GFRA1: variants seen among roughly 807,000 people sequenced by gnomAD.
GFRA1 encodes the protein GDNF family receptor alpha-1.
Under a neutral mutation model 51.6 loss-of-function variants are expected in GFRA1, and 16 were observed. The ratio of observed to expected loss-of-function variants is 0.31; its 90% CI spans 0.21 to 0.47. The LOEUF is 0.47. Among genes scored for constraint, GFRA1 ranks in the 20% least tolerant of loss-of-function variants. The probability of loss-of-function intolerance (pLI) is 1.00; values close to 1 mark genes in which losing one functional copy is unlikely to be tolerated. For missense variants in GFRA1, 530 were observed against 594.3 expected (o/e 0.89, Z 1.13); for synonymous variants, 270 against 241.3 (o/e 1.12, Z -1.10).
intron 8 of GFRA1, among the ~76,000 whole-genome samples, chr10:116,091,772 G>C (rs564906827): frequency 6.6e-6 from 1 of 152,332 alleles, no homozygotes; most frequent in East Asian, 1.9e-4. Context: ...TGATGGCCCT[G>C]TGTCTTTGGG....
intron 6 of GFRA1, among the ~76,000 whole-genome samples, chr10:116,116,313 A>C (rs1312172116): frequency 6.6e-6 from 1 of 150,442 alleles, no homozygotes; most frequent in Non-Finnish European, 1.5e-5. Flanking sequence ...GCCACAAGCC[A>C]GGGAGAAGGC....
chr10:116,236,275 G>C (rs1180506639), intron 4 of GFRA1, among the ~76,000 whole-genome samples: 2 of 151,992 alleles, frequency 1.3e-5, no homozygotes, highest in African/African-American at 4.8e-5. Context: ...ACTTCCTATA[G>C]GCCCTGAAGA....
chr10:116,088,799 T>C (rs1182387538), intron 9 of GFRA1, among the ~76,000 whole-genome samples: 2 of 151,586 alleles, frequency 1.3e-5, no homozygotes, highest in African/African-American at 4.8e-5. Context: ...TGGGCGCCTG[T>C]AGTCCCAGCT....
intron 5 of GFRA1, among the ~76,000 whole-genome samples, chr10:116,197,235 G>T (rs1441520704): frequency 6.6e-6 from 1 of 152,184 alleles, no homozygotes; most frequent in African/African-American, 2.4e-5. Flanking sequence ...TCAGGAATGA[G>T]ATTAGGGCCC....
intron 9 of GFRA1, among the ~76,000 whole-genome samples, chr10:116,075,492 G>C (rs768177974): frequency 6.6e-6 from 1 of 152,088 alleles, no homozygotes; most frequent in Non-Finnish European, 1.5e-5. Flanking sequence ...ACACTCCTGG[G>C]CAGTAGCATT....
Position 116,125,395 on chromosome 10 carries a change from A to G in GFRA1, c.596T>C (p.Phe199Ser). 2 of 1,614,234 alleles carry G rather than the reference A, an allele frequency of 1.2e-6. No individual in the cohort carries two copies. The highest frequency in any genetic ancestry group is 1.7e-6 in the Non-Finnish European group (2 of 1,180,044). ...RRKCHKALRQ[F>S]FDKVPAKHSY... is the part of the protein sequence containing the mutation. ...GTGCTTGGCCGGGACCTTGTCAAAG[A>G]ACTGCCGGAGGGCCTTGTGGCACTT... Residue 199 changes from phenylalanine to serine, a missense_variant, in exon 6 of 11, where the codon TTC becomes TCC. Coordinates refer to ENST00000355422, the MANE Select transcript of GFRA1 (RefSeq NM_005264.8).
chr10:116,098,761 C>T (rs977963652), intron 6 of GFRA1, among the ~76,000 whole-genome samples: 5 of 152,180 alleles, frequency 3.3e-5, no homozygotes, highest in Admixed American at 2.0e-4. Flanking sequence ...TGTCCTTCAG[C>T]GAGAGACTAA....
chr10:116,152,066 G>T (rs1263781910), intron 5 of GFRA1, among the ~76,000 whole-genome samples: 3 of 152,168 alleles, frequency 2.0e-5, no homozygotes, highest in Non-Finnish European at 4.4e-5. Context: ...CGTGTGAGTG[G>T]ACAGTGGTAG....
intron 4 of GFRA1, among the ~76,000 whole-genome samples, chr10:116,242,718 G>T (rs1351981862): frequency 6.6e-6 from 1 of 152,094 alleles, no homozygotes; most frequent in African/African-American, 2.4e-5. Context: ...CTGACCTCAG[G>T]TGATCCGCCT....
chr10:116,174,181 A>C (rs909630874), intron 5 of GFRA1, among the ~76,000 whole-genome samples: 2 of 152,116 alleles, frequency 1.3e-5, no homozygotes, highest in African/African-American at 4.8e-5. Context: ...TTTCTCTGCA[A>C]GCCTACAAAA....
At chr10:116,191,027 A>T (rs1279781108) in intron 5 of GFRA1, among the ~76,000 whole-genome samples, 1 of 152,224 alleles carries the variant, frequency 6.6e-6, no homozygotes, top group Non-Finnish European at 1.5e-5. Context: ...GTTCCCATGG[A>T]GAAAAGGGCA....
chr10:116,109,621 G>C (rs570767523), intron 6 of GFRA1, among the ~76,000 whole-genome samples: 1 of 152,268 alleles, frequency 6.6e-6, no homozygotes, highest in East Asian at 1.9e-4. Context: ...GGACACAAAA[G>C]TCTTCCCCAT....
At chr10:116,075,566 A>G (rs61095898) in intron 9 of GFRA1, among the ~76,000 whole-genome samples, 8,614 of 152,186 alleles carry the variant, frequency 0.057, 806 homozygotes, top group African/African-American at 0.19. Flanking sequence ...TCTCCATCTT[A>G]GCCTGCAGAG....
At chr10:116,132,994 G>C (rs1958169576) in intron 5 of GFRA1, among the ~76,000 whole-genome samples, 1 of 152,008 alleles carries the variant, frequency 6.6e-6, no homozygotes, top group Admixed American at 6.6e-5. Flanking sequence ...GCTCATTTTA[G>C]AGCTCAGCAT....
chr10:116,213,281 A>G (rs1965336590), intron 4 of GFRA1, among the ~76,000 whole-genome samples: 1 of 152,248 alleles, frequency 6.6e-6, no homozygotes, highest in Admixed American at 6.5e-5. Context: ...ATAAGGAATC[A>G]AGCCAAATAT....
chr10:116,183,759 C>T (rs960642933), intron 5 of GFRA1, among the ~76,000 whole-genome samples: 2 of 152,226 alleles, frequency 1.3e-5, no homozygotes, highest in Non-Finnish European at 2.9e-5. Context: ...TGCTCCCAGG[C>T]TCCTCTGTAA....
At chr10:116,130,081 AAT>A (rs1491508006) in intron 5 of GFRA1, among the ~76,000 whole-genome samples, 128 of 147,048 alleles carry the variant, frequency 8.7e-4, no homozygotes, top group African/African-American at 3.4e-3. Context: ...ACGATCAATG[AAT>A]AAAAAAAAAA....
chr10:116,129,621 A>AT (rs1198744370), intron 5 of GFRA1, among the ~76,000 whole-genome samples: 2 of 152,150 alleles, frequency 1.3e-5, no homozygotes, highest in East Asian at 3.8e-4. Flanking sequence ...TTTACTGCTT[A>AT]TAGTCAATGT....
At chr10:116,194,736 C>T (rs1257608021) in intron 5 of GFRA1, among the ~76,000 whole-genome samples, 1 of 152,126 alleles carries the variant, frequency 6.6e-6, no homozygotes, top group Non-Finnish European at 1.5e-5. Context: ...TAAGAAGATA[C>T]ATCAGCATTT....
Sources: allele counts gnomAD v4.1 joint callset (sites outside exome capture counted in the v4.1 genomes callset), GRCh38; gene constraint gnomAD v4.1.1; transcripts MANE v1.5; gene names NCBI Gene and HGNC (gene_info 2026-07-23, HGNC 2026-07-21).